PARVA: variants seen among roughly 807,000 people sequenced by gnomAD.
PARVA encodes parvin alpha.
In PARVA, 25 loss-of-function variants were observed where a neutral mutation model predicts 52.6. That is an observed-to-expected ratio of 0.48 (90% CI 0.35 to 0.66). PARVA has a LOEUF of 0.66. Among genes scored for constraint, PARVA ranks in the 30% least tolerant of loss-of-function variants. The pLI is 0.01. For missense variants in PARVA, 373 were observed against 450.9 expected (o/e 0.83, Z 1.56); for synonymous variants, 185 against 179.1 (o/e 1.03, Z -0.26).
intron 1 of PARVA, among the ~76,000 whole-genome samples, chr11:12,438,404 C>T (rs933779203): frequency 1.3e-5 from 2 of 152,042 alleles, no homozygotes; most frequent in African/African-American, 4.8e-5. Flanking sequence ...GCAAGCACAC[C>T]AGAGACAGGA....
At chr11:12,444,797 T>A (rs1381192093) in intron 1 of PARVA, among the ~76,000 whole-genome samples, 1 of 152,154 alleles carries the variant, frequency 6.6e-6, no homozygotes. Context: ...TGCTGAGACC[T>A]CAGCGTTGGC....
chr11:12,459,418 AAAGAG>A (rs1446286776), intron 1 of PARVA, among the ~76,000 whole-genome samples: 1 of 152,034 alleles, frequency 6.6e-6, no homozygotes, highest in Non-Finnish European at 1.5e-5. Context: ...AAAAAAAGAA[AAAGAG>A]AAGAAAGAAA....
intron 1 of PARVA, among the ~76,000 whole-genome samples, chr11:12,410,371 C>T (rs867318255): frequency 6.6e-5 from 10 of 152,238 alleles, no homozygotes; most frequent in Non-Finnish European, 1.3e-4. Flanking sequence ...CCTTTCCCCC[C>T]GGCAGGGACT....
At chr11:12,385,608 A>G (rs185731023) in intron 1 of PARVA, among the ~76,000 whole-genome samples, 34 of 152,260 alleles carry the variant, frequency 2.2e-4, no homozygotes, top group African/African-American at 7.7e-4. Context: ...AATAGTAACT[A>G]TCTAAGGCTT....
At chr11:12,397,086 A>G (rs77381405) in intron 1 of PARVA, among the ~76,000 whole-genome samples, 5,042 of 151,578 alleles carry the variant, frequency 0.033, 271 homozygotes, top group African/African-American at 0.12. Flanking sequence ...CACATGGGGG[A>G]TTGACCTCAT....
intron 1 of PARVA, among the ~76,000 whole-genome samples, chr11:12,404,556 T>C (rs1257223981): frequency 6.6e-6 from 1 of 152,236 alleles, no homozygotes; most frequent in Non-Finnish European, 1.5e-5. Flanking sequence ...CTAAATCTTC[T>C]GCAGTTGGGC....
At chr11:12,498,313 G>T (rs1941324581) in intron 5 of PARVA, among the ~76,000 whole-genome samples, 1 of 152,122 alleles carries the variant, frequency 6.6e-6, no homozygotes, top group Non-Finnish European at 1.5e-5. Context: ...TAGAATTACA[G>T]GCACAAGCCA....
chr11:12,377,694 C>A lies in PARVA; in HGVS notation c.47C>A (p.Thr16Asn), dbSNP rs1301906730. ...TCGCCTTCTGTCCCCAAGTCTCCCA[C>A]TCCCAAGTCGCCCCCGTCCCGCAAG... ...QKSPSVPKSP[T>N]PKSPPSRKKD... The change falls in exon 1 of 13, where the codon ACT (threonine) becomes AAT (asparagine). Residue 16 changes from threonine to asparagine, a missense_variant. Coordinates refer to ENST00000334956, the MANE Select transcript of PARVA (RefSeq NM_018222.5). 10 of 1,567,518 alleles carry A rather than the reference C, an allele frequency of 6.4e-6. No individual in the cohort carries two copies. The highest frequency in any genetic ancestry group is 8.6e-6 in the Non-Finnish European group (10 of 1,161,566).
intron 4 of PARVA, among the ~76,000 whole-genome samples, chr11:12,492,015 A>T (rs1219286124): frequency 6.6e-6 from 1 of 152,200 alleles, no homozygotes; most frequent in Non-Finnish European, 1.5e-5. Context: ...AGACAAAAGT[A>T]TTTTTTAAAC....
chr11:12,447,054 G>C (rs939845716), intron 1 of PARVA, among the ~76,000 whole-genome samples: 1 of 152,142 alleles, frequency 6.6e-6, no homozygotes, highest in African/African-American at 2.4e-5. Flanking sequence ...AGCATGCCCA[G>C]GCACCTGGCT....
intron 1 of PARVA, among the ~76,000 whole-genome samples, chr11:12,467,759 A>G (rs1376427785): frequency 6.6e-6 from 1 of 152,222 alleles, no homozygotes; most frequent in Non-Finnish European, 1.5e-5. Flanking sequence ...CTGGCCCTGA[A>G]GGAGAAAGAA....
intron 1 of PARVA, among the ~76,000 whole-genome samples, chr11:12,398,925 G>A (rs140556938): frequency 1.1e-3 from 170 of 152,252 alleles, no homozygotes; most frequent in Non-Finnish European, 1.5e-3. Context: ...ACCTTATTGT[G>A]TTCCATCACT....
intron 4 of PARVA, among the ~76,000 whole-genome samples, chr11:12,495,452 G>T (rs1023172391): frequency 6.6e-6 from 1 of 152,188 alleles, no homozygotes; most frequent in African/African-American, 2.4e-5. Flanking sequence ...TAGGAGAAAA[G>T]ATATTTTAAA....
intron 1 of PARVA, among the ~76,000 whole-genome samples, chr11:12,438,736 T>C (rs1339466103): frequency 1.3e-5 from 2 of 152,192 alleles, no homozygotes; most frequent in Non-Finnish European, 2.9e-5. Context: ...GTAGGTATTA[T>C]TGTTCCCATT....
At chr11:12,465,863 G>C (rs1940847423) in intron 1 of PARVA, among the ~76,000 whole-genome samples, 1 of 152,176 alleles carries the variant, frequency 6.6e-6, no homozygotes, top group East Asian at 1.9e-4. Flanking sequence ...CAAATCAGTT[G>C]GGTAAATACC....
chr11:12,515,253 A>AT (rs1172573719), intron 10 of PARVA, among the ~76,000 whole-genome samples: 1 of 151,902 alleles, frequency 6.6e-6, no homozygotes, highest in Non-Finnish European at 1.5e-5. Context: ...ACCTCCTTTC[A>AT]TTCTTGGTGA....
chr11:12,509,651 A>G (rs1941482125), intron 7 of PARVA, among the ~76,000 whole-genome samples: 1 of 152,204 alleles, frequency 6.6e-6, no homozygotes, highest in Non-Finnish European at 1.5e-5. Flanking sequence ...TGGGCATTCC[A>G]GGCCGAGACT....
upstream of PARVA, among the ~76,000 whole-genome samples, chr11:12,376,514 T>C (rs192886215): frequency 9.2e-5 from 14 of 152,368 alleles, no homozygotes; most frequent in African/African-American, 3.4e-4. Context: ...GCACAACTTC[T>C]GACAACAGTC....
chr11:12,534,899 C>G lies in PARVA; in HGVS notation c.*6974C>G, dbSNP rs1299645307. On this transcript the variant is annotated 3_prime_UTR_variant, in exon 13 of 13. Coordinates refer to ENST00000334956, the MANE Select transcript of PARVA (RefSeq NM_018222.5). ...TTCTCATTCAGGCTTTAGGGGTTAC[C>G]CCATCTTTCCTTATGTGTGTAATAT... Among the ~76,000 whole-genome samples, 1 of 152,180 alleles carries G rather than the reference C, an allele frequency of 6.6e-6. No homozygotes were observed. The highest frequency in any genetic ancestry group is 1.5e-5 in the Non-Finnish European group (1 of 68,028).
Sources: allele counts gnomAD v4.1 joint callset (sites outside exome capture counted in the v4.1 genomes callset), GRCh38; gene constraint gnomAD v4.1.1; transcripts MANE v1.5; gene names NCBI Gene and HGNC (gene_info 2026-07-23, HGNC 2026-07-21).